The following MGMT variants were observed in gnomAD, a reference collection of about 807,000 sequenced individuals.
MGMT encodes O-6-methylguanine-DNA methyltransferase.
Under a neutral mutation model 15.9 loss-of-function variants are expected in MGMT, and 14 were observed. The ratio of observed to expected loss-of-function variants is 0.88; its 90% CI spans 0.58 to 1.37. The LOEUF (loss-of-function observed/expected upper bound fraction) is 1.37. Ranked by LOEUF, MGMT falls within the 40% of genes most tolerant of loss-of-function variation. MGMT has a pLI of 0.00. For synonymous variants in MGMT, 130 were observed against 118.2 expected, an observed-to-expected ratio of 1.10 and a Z score of -0.65; for missense variants, 282 against 268.1, an observed-to-expected ratio of 1.05 and a Z score of -0.36.
chr10:129,700,417 G>A (rs1001072028), intron 2 of MGMT: 1 of 152,194 alleles, frequency 6.6e-6, no homozygotes, highest in Admixed American at 6.5e-5. Context: ...GCAGAGCCAC[G>A]GAGCAGTCAC....
At chr10:129,490,792 T>G (rs1199902244) in intron 1 of MGMT, among the ~76,000 whole-genome samples, 1 of 152,188 alleles carries the variant, frequency 6.6e-6, no homozygotes. Flanking sequence ...TTTGCTTTCT[T>G]TATGATTAAT....
intron 2 of MGMT, among the ~76,000 whole-genome samples, chr10:129,625,354 C>G (rs1362324631): frequency 6.6e-6 from 1 of 152,158 alleles, no homozygotes; most frequent in Non-Finnish European, 1.5e-5. Flanking sequence ...TAATTCCTAG[C>G]TTGTTTCATA....
chr10:129,543,992 A>G (rs917273719), intron 2 of MGMT, among the ~76,000 whole-genome samples: 4 of 152,208 alleles, frequency 2.6e-5, no homozygotes, highest in African/African-American at 9.7e-5. Context: ...TCAGGCAGAG[A>G]GAGGTGGATG....
At chr10:129,688,754 G>T (rs1847938050) in intron 2 of MGMT, among the ~76,000 whole-genome samples, 1 of 152,084 alleles carries the variant, frequency 6.6e-6, no homozygotes, top group Non-Finnish European at 1.5e-5. Context: ...TTGACAAATG[G>T]TATCTAATTA....
intron 2 of MGMT, among the ~76,000 whole-genome samples, chr10:129,598,111 C>T (rs1365853905): frequency 6.6e-6 from 1 of 152,164 alleles, no homozygotes; most frequent in East Asian, 1.9e-4. Context: ...ACGTTCTAGG[C>T]ACCGTGGATG....
At chr10:129,662,077 G>A (rs1237746973) in intron 2 of MGMT, among the ~76,000 whole-genome samples, 1 of 152,118 alleles carries the variant, frequency 6.6e-6, no homozygotes, top group African/African-American at 2.4e-5. Flanking sequence ...CACGTGTAGA[G>A]GATGTGTCCT....
chr10:129,760,454 T>C (rs1848859729), intron 4 of MGMT, among the ~76,000 whole-genome samples: 1 of 152,238 alleles, frequency 6.6e-6, no homozygotes, highest in South Asian at 2.1e-4. Flanking sequence ...CACTCCATCA[T>C]GGGATGGGAA....
chr10:129,645,376 C>A (rs768246419), intron 2 of MGMT, among the ~76,000 whole-genome samples: 1 of 152,164 alleles, frequency 6.6e-6, no homozygotes, highest in Non-Finnish European at 1.5e-5. Context: ...CCCACCTCAG[C>A]CTCCCAAAGT....
intron 1 of MGMT, among the ~76,000 whole-genome samples, chr10:129,472,581 G>T (rs1711665): frequency 0.072 from 10,984 of 152,248 alleles, 583 homozygotes; most frequent in East Asian, 0.29. Context: ...GGGAACAGAT[G>T]GGCTTCCGTT....
chr10:129,766,993 A>G lies in MGMT; in HGVS notation c.620A>G (p.Asn207Ser), dbSNP rs1848946294. The G allele has an allele frequency of 1.3e-6, 2 of 1,598,476 alleles. No homozygotes were observed. Among genetic ancestry groups the G allele is most frequent in the African/African-American group, 1.3e-5 (1 of 74,732 alleles). The part of the protein sequence containing the change: ...ATSGSPPAGR[N>S] ...TCGGGCTCCCCGCCTGCTGGCCGAA[A>G]CTGAGTATGTGCAGTAGGATGGATG... Residue 207 changes from asparagine (N) to serine (S), a missense_variant, in exon 5 of 5, where the codon AAC becomes AGC. Coordinates refer to ENST00000651593, the MANE Select transcript of MGMT (RefSeq NM_002412.5).
chr10:129,520,015 AAAAG>A (rs1845786003), intron 1 of MGMT, among the ~76,000 whole-genome samples: 1 of 152,178 alleles, frequency 6.6e-6, no homozygotes, highest in Admixed American at 6.5e-5. Flanking sequence ...CCAAAAAAGA[AAAAG>A]AATAAAGAAA....
intron 1 of MGMT, among the ~76,000 whole-genome samples, chr10:129,471,549 G>C (rs372760989): frequency 6.6e-6 from 1 of 152,130 alleles, no homozygotes; most frequent in Non-Finnish European, 1.5e-5. Context: ...AAGGCCTGAC[G>C]AGTCACAGCC....
At chr10:129,677,170 G>GT (rs11385209) in intron 2 of MGMT, among the ~76,000 whole-genome samples, 94,974 of 149,852 alleles carry the variant, frequency 0.63, 31,567 homozygotes, top group African/African-American at 0.85. Flanking sequence ...AAACACATGT[G>GT]TTTTTTTTTT....
At chr10:129,499,980 A>C (rs183759790) in intron 1 of MGMT, among the ~76,000 whole-genome samples, 19 of 152,356 alleles carry the variant, frequency 1.2e-4, no homozygotes, top group Admixed American at 1.2e-3. Flanking sequence ...CGACTGAAAA[A>C]TAATTTGGAG....
At chr10:129,738,813 C>T (rs144149309) in intron 3 of MGMT, among the ~76,000 whole-genome samples, 2,194 of 152,284 alleles carry the variant, frequency 0.014, 53 homozygotes, top group African/African-American at 0.05. Flanking sequence ...ATGAGGCCAG[C>T]ATCATCCTAA....
chr10:129,722,354 T>C (rs1848382210), intron 3 of MGMT, among the ~76,000 whole-genome samples: 1 of 152,168 alleles, frequency 6.6e-6, no homozygotes, highest in African/African-American at 2.4e-5. Flanking sequence ...CTAAACAGCA[T>C]AAAAACATGA....
intron 2 of MGMT, among the ~76,000 whole-genome samples, chr10:129,610,474 C>T (rs935178869): frequency 7.9e-5 from 12 of 152,256 alleles, no homozygotes; most frequent in Admixed American, 2.0e-4. Flanking sequence ...CCCCACCCTG[C>T]ACATGGCTGG....
rs541638063 is a variant in MGMT, at chr10:129,742,693, G to C, written c.275-16509G>C. ...CTGCAGCGGCCCATGCTCAGAGCCA[G>C]GTCCTCAGGGCTGGGGCGTTCAGCA... On this transcript the variant is annotated intron_variant, in intron 3 of 4. Transcript: ENST00000651593. 2.0e-5 allele frequency among the ~76,000 whole-genome samples: 3 copies of C among 150,188 alleles called. No homozygotes were observed. In the East Asian group the frequency reaches 5.9e-4, roughly 30 times the overall value.
intron 1 of MGMT, among the ~76,000 whole-genome samples, chr10:129,491,542 A>G (rs915290042): frequency 6.6e-6 from 1 of 151,990 alleles, no homozygotes; most frequent in African/African-American, 2.4e-5. Context: ...GCCTCATCCA[A>G]TCTGTCCTTT....
Sources: allele counts gnomAD v4.1 joint callset (sites outside exome capture counted in the v4.1 genomes callset), GRCh38; gene constraint gnomAD v4.1.1; transcripts MANE v1.5; gene names NCBI Gene and HGNC (gene_info 2026-07-23, HGNC 2026-07-21).